PRKG1: variants seen among roughly 807,000 people sequenced by gnomAD.
The protein encoded by PRKG1 is cGMP-dependent protein kinase 1.
A neutral mutation model predicts 88.1 loss-of-function variants in PRKG1; 35 were observed. The observed-to-expected ratio is 0.40, with a 90% CI of 0.30 to 0.53. PRKG1 has a LOEUF of 0.53. Ranked by LOEUF, PRKG1 falls within the 20% of genes least tolerant of loss-of-function variation. The pLI, the probability that PRKG1 is intolerant of heterozygous loss-of-function variation, is 0.59. For synonymous variants in PRKG1, 303 were observed against 292.5 expected, an observed-to-expected ratio of 1.04 and a Z score of -0.37; for missense variants, 540 against 839.8, an observed-to-expected ratio of 0.64 and a Z score of 4.41.
intron 3 of PRKG1, among the ~76,000 whole-genome samples, chr10:51,555,052 G>C (rs1837275314): frequency 6.6e-6 from 1 of 152,004 alleles, no homozygotes; most frequent in South Asian, 2.1e-4. Flanking sequence ...TAGTAAGGGA[G>C]AAAAACTGAA....
intron 2 of PRKG1, among the ~76,000 whole-genome samples, chr10:51,430,586 C>T (rs1425202468): frequency 6.6e-6 from 1 of 152,104 alleles, no homozygotes. Flanking sequence ...CTATACTGTC[C>T]AGCAATTCCA....
chr10:51,756,030 G>A (rs1020722661), intron 3 of PRKG1, among the ~76,000 whole-genome samples: 2 of 152,138 alleles, frequency 1.3e-5, no homozygotes, highest in South Asian at 2.1e-4. Flanking sequence ...TGAGACAGAC[G>A]ATAAATTAAA....
At chr10:51,380,945 G>C (rs1837073800) in intron 2 of PRKG1, among the ~76,000 whole-genome samples, 1 of 152,190 alleles carries the variant, frequency 6.6e-6, no homozygotes, top group Non-Finnish European at 1.5e-5. Flanking sequence ...CCCTGGGTGT[G>C]CCTGCCTACC....
intron 3 of PRKG1, among the ~76,000 whole-genome samples, chr10:51,510,909 A>ATT (rs113951308): frequency 0.14 from 19,581 of 135,212 alleles, 2,344 homozygotes; most frequent in African/African-American, 0.33. Context: ...ACACCAGCTT[A>ATT]TTTTTTTTTT....
chr10:51,832,522 G>A (rs1840028450), intron 4 of PRKG1, among the ~76,000 whole-genome samples: 2 of 152,080 alleles, frequency 1.3e-5, no homozygotes, highest in South Asian at 2.1e-4. Flanking sequence ...ATTTTTTCAA[G>A]CATTTAAAAA....
intron 4 of PRKG1, among the ~76,000 whole-genome samples, chr10:51,808,949 G>A (rs1311194427): frequency 6.6e-6 from 1 of 152,146 alleles, no homozygotes; most frequent in East Asian, 1.9e-4. Context: ...TAAAAAATGA[G>A]TGGCTCTCTA....
chr10:51,346,425 T>C (rs892419269), intron 2 of PRKG1, among the ~76,000 whole-genome samples: 1 of 152,246 alleles, frequency 6.6e-6, no homozygotes, highest in African/African-American at 2.4e-5. Flanking sequence ...AGTTATAAAA[T>C]ACTGCCACTT....
intron 2 of PRKG1, chr10:51,320,135 G>T: frequency 6.1e-6 from 1 of 162,638 alleles, no homozygotes; most frequent in Non-Finnish European, 1.4e-5. Context: ...TACTTTGCCT[G>T]AAGGATTTTG....
At chr10:51,679,527 T>C (rs1840790829) in intron 3 of PRKG1, among the ~76,000 whole-genome samples, 1 of 152,126 alleles carries the variant, frequency 6.6e-6, no homozygotes, top group South Asian at 2.1e-4. Context: ...CTAAAACTCT[T>C]AAGTTACTTC....
intron 8 of PRKG1, among the ~76,000 whole-genome samples, chr10:52,152,403 G>A (rs1837953658): frequency 6.6e-6 from 1 of 152,110 alleles, no homozygotes; most frequent in African/African-American, 2.4e-5. Context: ...TTTTTAGCTA[G>A]TGGTGAGTGA....
chr10:51,863,490 T>TA (rs763221081), intron 4 of PRKG1, among the ~76,000 whole-genome samples: 30 of 152,206 alleles, frequency 2.0e-4, no homozygotes, highest in Non-Finnish European at 2.5e-4. Context: ...TTTCTTGCCT[T>TA]TATTCTTTAA....
At chr10:51,432,158 C>A (rs1369501927) in intron 2 of PRKG1, among the ~76,000 whole-genome samples, 1 of 152,082 alleles carries the variant, frequency 6.6e-6, no homozygotes, top group Non-Finnish European at 1.5e-5. Flanking sequence ...AACCTCAAAT[C>A]TTTATCATTA....
intron 3 of PRKG1, among the ~76,000 whole-genome samples, chr10:51,650,182 T>C (rs1840006315): frequency 6.6e-6 from 1 of 152,192 alleles, no homozygotes; most frequent in Non-Finnish European, 1.5e-5. Flanking sequence ...GGAGAGAACC[T>C]ATCCAGCCTG....
At chr10:52,159,015 G>A (rs1260415073) in intron 8 of PRKG1, among the ~76,000 whole-genome samples, 2 of 151,298 alleles carry the variant, frequency 1.3e-5, no homozygotes, top group South Asian at 2.1e-4. Flanking sequence ...AAATCATAGC[G>A]ATGAAGATTA....
chr10:51,790,906 C>T (rs958272675), intron 3 of PRKG1, among the ~76,000 whole-genome samples: 2 of 152,106 alleles, frequency 1.3e-5, no homozygotes, highest in Admixed American at 6.6e-5. Flanking sequence ...ATTCAGTAAT[C>T]CTGTCTCTGT....
At chr10:51,984,079 C>T (rs531824083) in intron 5 of PRKG1, among the ~76,000 whole-genome samples, 3 of 152,342 alleles carry the variant, frequency 2.0e-5, no homozygotes, top group Admixed American at 2.0e-4. Flanking sequence ...CATTAACCAC[C>T]TTGTGCGGTG....
intron 2 of PRKG1, among the ~76,000 whole-genome samples, chr10:51,191,791 A>C (rs1837637988): frequency 6.6e-6 from 1 of 151,850 alleles, no homozygotes; most frequent in Non-Finnish European, 1.5e-5. Context: ...GCCTTAACTC[A>C]ATCTTATAAA....
chr10:51,542,674 T>TA (rs35902863), intron 3 of PRKG1, among the ~76,000 whole-genome samples: 122,059 of 152,010 alleles, frequency 0.8, 49,769 homozygotes, highest in East Asian at 0.98. Context: ...TTTCGCATGA[T>TA]AGTCTGCAAA....
intron 2 of PRKG1, among the ~76,000 whole-genome samples, chr10:51,432,394 G>T (rs1838795605): frequency 6.6e-6 from 1 of 151,580 alleles, no homozygotes; most frequent in African/African-American, 2.4e-5. Context: ...TCTACTTTCA[G>T]GTATTTGTAA....
Sources: allele counts gnomAD v4.1 joint callset (sites outside exome capture counted in the v4.1 genomes callset), GRCh38; gene constraint gnomAD v4.1.1; transcripts MANE v1.5; gene names NCBI Gene and HGNC (gene_info 2026-07-23, HGNC 2026-07-21).